MDGA2: variants seen among roughly 807,000 people sequenced by gnomAD.
The protein encoded by MDGA2 is MAM domain-containing glycosylphosphatidylinositol anchor protein 2.
In MDGA2, 40 loss-of-function variants were observed where a neutral mutation model predicts 117.8. The ratio of observed to expected loss-of-function variants is 0.34; its 90% CI spans 0.26 to 0.44. The LOEUF (loss-of-function observed/expected upper bound fraction) is 0.44. Ranked by LOEUF, MDGA2 falls within the 20% of genes least tolerant of loss-of-function variation. The pLI, the probability that MDGA2 is intolerant of heterozygous loss-of-function variation, is 1.00. For synonymous variants in MDGA2, 452 were observed against 439.0 expected, an observed-to-expected ratio of 1.03 and a Z score of -0.37; for missense variants, 1,123 against 1,250.6, an observed-to-expected ratio of 0.90 and a Z score of 1.54.
intron 2 of MDGA2, among the ~76,000 whole-genome samples, chr14:47,235,565 A>G (rs1405083311): frequency 1.3e-5 from 2 of 152,214 alleles, no homozygotes; most frequent in African/African-American, 4.8e-5. Flanking sequence ...CAAGGATTAG[A>G]GTACTGACAT....
In MDGA2 at chr14:47,014,971, A is replaced by T. The variant is rs80282175; in HGVS notation, c.1819+20040T>A. Among the ~76,000 whole-genome samples, 725 of 152,246 alleles carry T rather than the reference A, an allele frequency of 4.8e-3. 9 individuals are homozygous for T. The highest frequency in any genetic ancestry group is 0.017 in the African/African-American group (690 of 41,544). On this transcript the variant is annotated intron_variant, in intron 8 of 16. Transcript: ENST00000399232. ...ATCATTTTTAGCTTTTGATTTAACA[A>T]GAGAGATGTAAGACTCTTCCTTTCA... is the stretch of plus-strand genomic sequence containing the variant.
intron 12 of MDGA2, among the ~76,000 whole-genome samples, chr14:46,875,871 A>T (rs2138372162): frequency 6.6e-6 from 1 of 151,762 alleles, no homozygotes. Flanking sequence ...TACTTTTTAT[A>T]TGTTATTTAA....
intron 1 of MDGA2, among the ~76,000 whole-genome samples, chr14:47,625,070 A>G (rs1342358295): frequency 6.6e-6 from 1 of 152,202 alleles, no homozygotes; most frequent in Non-Finnish European, 1.5e-5. Flanking sequence ...ACCAACTTAC[A>G]GGCCCTAAAA....
chr14:47,135,628 C>T lies in MDGA2; in HGVS notation c.793-3782G>A, dbSNP rs553912173. On this transcript the variant is annotated intron_variant, in intron 4 of 16. Transcript: ENST00000399232. ...TTTTCTTTTTTTTTCAGGGGGTGGG[C>T]GGGGTCAAGGTTTAAGGGCTAGAAA... is the stretch of plus-strand genomic sequence containing the variant. Among the ~76,000 whole-genome samples, 4 of 151,718 alleles carry T rather than the reference C, an allele frequency of 2.6e-5. No individual in the cohort carries two copies. In the South Asian group the frequency reaches 6.3e-4, roughly 24 times the overall value.
At chr14:47,650,213 TG>T (rs1448721336) in intron 1 of MDGA2, among the ~76,000 whole-genome samples, 4 of 152,202 alleles carry the variant, frequency 2.6e-5, no homozygotes, top group Admixed American at 2.6e-4. Context: ...CATCTCTTTT[TG>T]GGCCTGAAGC....
chr14:47,270,778 T>TTGTGTG (rs61047014), intron 2 of MDGA2, among the ~76,000 whole-genome samples: 5 of 151,830 alleles, frequency 3.3e-5, no homozygotes, highest in African/African-American at 4.8e-5. Context: ...CGTGCACTGT[T>TTGTGTG]TGTGTGTGTG....
intron 5 of MDGA2, among the ~76,000 whole-genome samples, chr14:47,106,407 G>A (rs1306814599): frequency 6.6e-6 from 1 of 151,866 alleles, no homozygotes; most frequent in East Asian, 2.0e-4. Flanking sequence ...GGCCTGAACC[G>A]CAGCAGCCAG....
chr14:47,104,665 C>T (rs1255603581), intron 5 of MDGA2, among the ~76,000 whole-genome samples: 5 of 151,350 alleles, frequency 3.3e-5, no homozygotes, highest in Non-Finnish European at 5.9e-5. Context: ...TCTCTTCACA[C>T]GGACGTGCAT....
At chr14:47,544,889 T>C (rs1243168824) in intron 1 of MDGA2, among the ~76,000 whole-genome samples, 2 of 152,214 alleles carry the variant, frequency 1.3e-5, no homozygotes, top group Non-Finnish European at 2.9e-5. Flanking sequence ...TGGCTGCAGT[T>C]TCAGACTGGA....
At chr14:47,595,921 T>A (rs1403484380) in intron 1 of MDGA2, among the ~76,000 whole-genome samples, 1 of 152,202 alleles carries the variant, frequency 6.6e-6, no homozygotes, top group Non-Finnish European at 1.5e-5. Flanking sequence ...AAGATCCCCA[T>A]AGGGAATGAA....
In MDGA2 at chr14:47,210,307, T is replaced by C. The variant is rs181445654; in HGVS notation, c.595+7714A>G. On this transcript the variant is annotated intron_variant, in intron 3 of 16. Coordinates refer to ENST00000399232, the MANE Select transcript of MDGA2 (RefSeq NM_001113498.3). ...TGTTTAATGGATATTGGAAAAGATT[T>C]GTCTCATGTGTGAACAGTGTCTGTA... is the stretch of plus-strand genomic sequence containing the variant. Among the ~76,000 whole-genome samples the C allele has an allele frequency of 3.3e-4, 50 of 152,314 alleles. No homozygotes were observed. The East Asian group carries it at 8.7e-3, about 26-fold the overall frequency.
chr14:47,674,759 C>A lies in MDGA2; in HGVS notation c.38G>T (p.Arg13Leu), dbSNP rs533101978. The A allele has an allele frequency of 5.7e-5, 40 of 706,550 alleles. No homozygotes were observed. The East Asian group carries it at 9.7e-4, about 17-fold the overall frequency. The allele number at this position is 706,550 out of a possible 1,614,324, so 43.8% of individuals were successfully genotyped here. Residue 13 changes from arginine (R) to leucine (L), a missense_variant, in exon 1 of 17, where the codon CGC (arginine) becomes CTC (leucine). Arg to Leu is a moderately radical substitution (Grantham distance 102). Transcript: ENST00000399232. ...VWSAGLLRSARRRRRGRTDGR... is the reference protein window; with the variant it reads ...VWSAGLLRSALRRRRGRTDGR... ...GTCTGTCCTTCCCCGGCGGCGGCGG[C>A]GAGCGGAGCGCAGGAGCCCCGCACT... is the stretch of plus-strand genomic sequence containing the variant.
intron 8 of MDGA2, among the ~76,000 whole-genome samples, chr14:46,971,074 G>A (rs930977469): frequency 6.6e-6 from 1 of 151,956 alleles, no homozygotes; most frequent in African/African-American, 2.4e-5. Context: ...AACAGATACT[G>A]GTGAGGATGC....
chr14:47,101,992 A>G (rs1880350219), intron 5 of MDGA2, among the ~76,000 whole-genome samples: 1 of 152,210 alleles, frequency 6.6e-6, no homozygotes, highest in Admixed American at 6.5e-5. Flanking sequence ...CATTATGTAG[A>G]AAGAAAACAC....
intron 1 of MDGA2, among the ~76,000 whole-genome samples, chr14:47,381,112 C>T (rs891295631): frequency 1.3e-5 from 2 of 152,318 alleles, no homozygotes; most frequent in African/African-American, 4.8e-5. Flanking sequence ...ACAAAAACCA[C>T]ATGATTATCT....
At chr14:47,556,084 C>A (rs553833822) in intron 1 of MDGA2, among the ~76,000 whole-genome samples, 324 of 152,302 alleles carry the variant, frequency 2.1e-3, no homozygotes, top group Non-Finnish European at 3.1e-3. Flanking sequence ...ACCCCCAGTT[C>A]TTTTGCTCAA....
At chr14:47,253,196 T>A (rs1168276975) in intron 2 of MDGA2, among the ~76,000 whole-genome samples, 2 of 152,106 alleles carry the variant, frequency 1.3e-5, no homozygotes, top group East Asian at 3.9e-4. Context: ...CTCTCTCAAA[T>A]CTCATGTCCT....
chr14:47,054,938 T>C (rs901090564), intron 7 of MDGA2, among the ~76,000 whole-genome samples: 10 of 151,910 alleles, frequency 6.6e-5, no homozygotes, highest in African/African-American at 2.4e-4. Flanking sequence ...GTATCTTTTT[T>C]TTCTTATCTA....
At chr14:47,672,986 G>T (rs868736663) in intron 1 of MDGA2, among the ~76,000 whole-genome samples, 1 of 152,118 alleles carries the variant, frequency 6.6e-6, no homozygotes, top group African/African-American at 2.4e-5. Context: ...TCACCACCAC[G>T]AGACAAGTTG....
Sources: gnomAD v4.1 joint callset for allele counts (sites outside exome capture counted in the v4.1 genomes callset) on GRCh38, gnomAD v4.1.1 for gene constraint, MANE v1.5 for transcripts, NCBI Gene and HGNC (gene_info 2026-07-23, HGNC 2026-07-21) for gene names.